The following PROM2 variants were observed in gnomAD, a reference collection of about 807,000 sequenced individuals.
PROM2 encodes prominin 2.
A neutral mutation model predicts 110.2 loss-of-function variants in PROM2; 90 were observed. The observed-to-expected ratio is 0.82, with a 90% CI of 0.69 to 0.97. The LOEUF (loss-of-function observed/expected upper bound fraction) is 0.97. Among genes scored for constraint, PROM2 ranks in the 50% least tolerant of loss-of-function variants. PROM2 has a pLI of 0.00. For synonymous variants in PROM2, 470 were observed against 467.8 expected, an observed-to-expected ratio of 1.00 and a Z score of -0.06; for missense variants, 1,009 against 1,074.8, an observed-to-expected ratio of 0.94 and a Z score of 0.86.
At position 95,274,762 on chromosome 2, in the gene PROM2, C is replaced by T. The variant is rs749809675; in HGVS notation, c.177C>T (p.Leu59=). The T allele has an allele frequency of 1.2e-6, 2 of 1,611,454 alleles. No individual in the cohort carries two copies. The highest frequency in any genetic ancestry group is 3.3e-5 in the Admixed American group (2 of 59,958). Reference sequence around the variant, plus strand: ...CCCCTCGAGTTCGTGCGCCAGGACTCCTGGACTCCCTCTATGGCACCGTGC... The same window carrying T: ...CCCCTCGAGTTCGTGCGCCAGGACTTCTGGACTCCCTCTATGGCACCGTGC... ...WLAPRVRAPG[L]LDSLYGTVRR... is the part of the protein sequence containing the mutation. Residue 59 remains leucine (L), a synonymous_variant, in exon 1 of 24, where the codon CTC becomes CTT. Transcript: ENST00000317620.
chr2:95,277,205 C>T lies in PROM2; in HGVS notation c.772+144C>T, dbSNP rs1676722212. Reference sequence around the variant, plus strand: ...ATCGCTGTACCCCAGGATCCAGCCCCCCTCCCCTGGCTTAATGTGCCCTGG... The same window carrying T: ...ATCGCTGTACCCCAGGATCCAGCCCTCCTCCCCTGGCTTAATGTGCCCTGG... On this transcript the variant is annotated intron_variant, in intron 6 of 23. Coordinates refer to ENST00000317620, the MANE Select transcript of PROM2 (RefSeq NM_001165978.3). The T allele has an allele frequency of 2.7e-6, 3 of 1,116,568 alleles. 1 individual carries two copies. Among genetic ancestry groups the T allele is most frequent in the South Asian group, 3.2e-5 (2 of 63,306 alleles). 69.2% of individuals were successfully genotyped at this position (1,116,568 alleles called of 1,614,324 possible). A position where few individuals can be genotyped will look rare whatever the true frequency, so the allele number is the denominator to read the frequency against.
In PROM2 at chr2:95,276,852, C is replaced by T; in HGVS notation, c.683-120C>T. 8.5e-7 allele frequency: 1 copy of T among 1,178,016 alleles called. No homozygotes were observed. Among genetic ancestry groups the T allele is most frequent in the Non-Finnish European group, 1.2e-6 (1 of 820,884 alleles). 73.0% of individuals were successfully genotyped at this position (1,178,016 alleles called of 1,614,324 possible). ...GGAAGAAGCCGTGTCCCCGCTCCTTCACTCCCCTCCACCCCCCGGCTCCTG... is the reference window on the plus strand; with the variant it reads ...GGAAGAAGCCGTGTCCCCGCTCCTTTACTCCCCTCCACCCCCCGGCTCCTG... On this transcript the variant is annotated intron_variant, in intron 5 of 23. Transcript: ENST00000317620. This position sits in a 1 kb window ranked among gnomAD's most constrained non-coding sequence, Gnocchi z 4.6.
Position 95,286,591 on chromosome 2 carries a change from G to A in PROM2, c.2040+20G>A, listed in dbSNP as rs779299636. On this transcript the variant is annotated intron_variant, in intron 17 of 23. Transcript: ENST00000317620. ...CTTGTGGTCAGTTTGGAGGCCCGGG[G>A]AGCCTGGGGCCTGGGGGAGGGGAGA... 3.4e-5 allele frequency: 54 copies of A among 1,607,368 alleles called. No individual in the cohort carries two copies. Among genetic ancestry groups the A allele is most frequent in the Non-Finnish European group, 4.4e-5 (52 of 1,175,102 alleles).
At chr2:95,281,414 C>T (rs759120524) in intron 12 of PROM2, 49 bp downstream of exon 12, 98 of 897,302 alleles carry the variant, frequency 1.1e-4, no homozygotes, top group Non-Finnish European at 1.2e-4. Flanking sequence ...AGGTGGGGGG[C>T]GGTATCAGCA....
At chr2:95,279,794 T>A (rs1307767412) in intron 10 of PROM2, 51 bp from the exon 11 acceptor site, 2 of 1,368,082 alleles carry the variant, frequency 1.5e-6, no homozygotes, top group East Asian at 2.8e-5. Context: ...CTGTCCATGT[T>A]GGTGCCAGCC....
rs1472569711 is a variant in PROM2 at position 95,289,990 on chromosome 2, G to A, written c.*777G>A. On this transcript the variant is annotated 3_prime_UTR_variant, in exon 24 of 24. Coordinates refer to ENST00000317620, the MANE Select transcript of PROM2 (RefSeq NM_001165978.3). ...GCCGAGCCTCCCTGCCTGCACCCAAGTTAGAAATGGGGGTACCAGCACTTA... is the reference window on the plus strand; with the variant it reads ...GCCGAGCCTCCCTGCCTGCACCCAAATTAGAAATGGGGGTACCAGCACTTA... 6.6e-6 allele frequency: 1 copy of A among 152,302 alleles called. No homozygotes were observed. The highest frequency in any genetic ancestry group is 1.5e-5 in the Non-Finnish European group (1 of 68,094). 9.4% of individuals were successfully genotyped at this position (152,302 alleles called of 1,614,324 possible). A position where few individuals can be genotyped will look rare whatever the true frequency, so the allele number is the denominator to read the frequency against.
chr2:95,288,131 C>A, intron 20 of PROM2, 80 bp from the exon 21 acceptor site: 1 of 1,424,864 alleles, frequency 7.0e-7, no homozygotes, highest in Non-Finnish European at 9.8e-7. Flanking sequence ...CCCTGTCAAC[C>A]ACTCTCCCTG....
Position 95,276,711 on chromosome 2 carries a change from G to A in PROM2, c.682+54G>A, listed in dbSNP as rs1573445609. ...CTGGCTCCTTCCAGGGCCCCTGCTCGGGTGCCTCGGTGGGGGCCTCTCACT... is the reference window on the plus strand; with the variant it reads ...CTGGCTCCTTCCAGGGCCCCTGCTCAGGTGCCTCGGTGGGGGCCTCTCACT... On this transcript the variant is annotated intron_variant, in intron 5 of 23. Transcript: ENST00000317620. This position sits in a 1 kb window ranked among gnomAD's most constrained non-coding sequence, Gnocchi z 4.6. 3.8e-6 allele frequency: 6 copies of A among 1,586,236 alleles called. No individual in the cohort carries two copies. Among genetic ancestry groups the A allele is most frequent in the South Asian group, 1.1e-5 (1 of 90,150 alleles).
chr2:95,280,834 T>C (rs1391265700), intron 11 of PROM2, among the ~76,000 whole-genome samples: 7 of 152,132 alleles, frequency 4.6e-5, no homozygotes, highest in Non-Finnish European at 7.4e-5. Flanking sequence ...TGTAGAGACA[T>C]GGTCTCACTT....
rs777226405 is a variant in PROM2, at chr2:95,288,220, C to T, written c.2254C>T (p.Arg752Cys). The T allele has an allele frequency of 1.9e-6, 3 of 1,613,670 alleles. No homozygotes were observed. Among genetic ancestry groups the T allele is most frequent in the South Asian group, 1.1e-5 (1 of 91,078 alleles). ...VAWVREEVTQ[R>C]IATCQPLSGA... is the part of the protein sequence containing the mutation. ...CATGTTGGCGCCACAGGTGACTCAGCGCATTGCCACCTGCCAGCCCCTCTC... is the reference window on the plus strand; with the variant it reads ...CATGTTGGCGCCACAGGTGACTCAGTGCATTGCCACCTGCCAGCCCCTCTC... The change falls in exon 21 of 24, where the codon CGC (arginine) becomes TGC (cysteine). Residue 752 changes from arginine (R) to cysteine (C), a missense_variant. Coordinates refer to ENST00000317620, the MANE Select transcript of PROM2 (RefSeq NM_001165978.3).
At chr2:95,286,266 T>A (rs567518052) in intron 16 of PROM2, among the ~76,000 whole-genome samples, 1 of 152,320 alleles carries the variant, frequency 6.6e-6, no homozygotes, top group African/African-American at 2.4e-5. Context: ...GCATGTTCTG[T>A]GACTGACTTA....
chr2:95,281,681 G>A (rs1409994996), intron 12 of PROM2, among the ~76,000 whole-genome samples: 2 of 152,118 alleles, frequency 1.3e-5, no homozygotes, highest in African/African-American at 4.8e-5. Context: ...CTGCGATGCT[G>A]GACTGGGTTC....
intron 7 of PROM2, 89 bp downstream of exon 7, chr2:95,277,655 C>T: frequency 1.6e-6 from 2 of 1,287,598 alleles, no homozygotes; most frequent in Non-Finnish European, 2.1e-6. Context: ...GTCCCCTTGC[C>T]CCAATGTTCC....
At chr2:95,277,713 G>A in intron 7 of PROM2, 147 bp downstream of exon 7, 1 of 869,988 alleles carries the variant, frequency 1.1e-6, no homozygotes, top group Non-Finnish European at 1.7e-6. Context: ...CCTGGCAGTG[G>A]GTGGAGTGCT....
intron 14 of PROM2, among the ~76,000 whole-genome samples, chr2:95,283,769 A>AGTTT (rs1203905488): frequency 9.7e-5 from 13 of 133,920 alleles, no homozygotes; most frequent in African/African-American, 3.7e-4. Context: ...CTGAAAATAC[A>AGTTT]GTTTCATTCA....
At chr2:95,282,345 C>A in intron 14 of PROM2, 119 bp downstream of exon 14, 1 of 860,508 alleles carries the variant, frequency 1.2e-6, no homozygotes, top group Non-Finnish European at 1.9e-6. Context: ...TCTGTGTGAG[C>A]GATTAAGGTG....
intron 7 of PROM2, 151 bp downstream of exon 7, chr2:95,277,717 G>C: frequency 1.2e-6 from 1 of 857,924 alleles, no homozygotes; most frequent in East Asian, 2.7e-5. Context: ...GCAGTGGGTG[G>C]AGTGCTCCCC....
In PROM2 at chr2:95,289,391, C is replaced by T. The variant is rs369078379; in HGVS notation, c.*178C>T. ...GCTCCTTTCCACCCCTTTCTGCTCA[C>T]GACCCCCATCATTCACGCTCAGAAT... On this transcript the variant is annotated 3_prime_UTR_variant, in exon 24 of 24. Transcript: ENST00000317620. 4 of 240,818 alleles carry T rather than the reference C, an allele frequency of 1.7e-5. No individual in the cohort carries two copies. Among genetic ancestry groups the T allele is most frequent in the East Asian group, 2.2e-4 (2 of 9,172 alleles). 14.9% of individuals were successfully genotyped at this position (240,818 alleles called of 1,614,324 possible).
chr2:95,277,585 G>A lies in PROM2; in HGVS notation c.975+19G>A, dbSNP rs750808265. ...CAGCCAGGTGCAGACCCAGGACAGA[G>A]TCCTCTTAAAGCCACGGAGGGCTAG... On this transcript the variant is annotated intron_variant, in intron 7 of 23. Transcript: ENST00000317620. The A allele has an allele frequency of 2.3e-5, 35 of 1,529,484 alleles. No homozygotes were observed. The highest frequency in any genetic ancestry group is 2.1e-4 in the Admixed American group (10 of 47,378). The allele number at this position is 1,529,484 out of a possible 1,614,324, so 94.7% of individuals were successfully genotyped here.
Sources: allele counts gnomAD v4.1 joint callset (sites outside exome capture counted in the v4.1 genomes callset), GRCh38; gene constraint gnomAD v4.1.1; non-coding constraint Gnocchi (gnomAD v3.1); transcripts MANE v1.5; gene names NCBI Gene and HGNC (gene_info 2026-07-23, HGNC 2026-07-21).